The following EYA3 variants were observed in gnomAD, a reference collection of about 807,000 sequenced individuals.
The protein encoded by EYA3 is protein phosphatase EYA3.
Under a neutral mutation model 80.0 loss-of-function variants are expected in EYA3, and 39 were observed. The ratio of observed to expected loss-of-function variants is 0.49; its 90% confidence interval spans 0.38 to 0.64. EYA3 has a LOEUF of 0.64. Among genes scored for constraint, EYA3 ranks in the 30% least tolerant of loss-of-function variants. The pLI is 0.00. For missense variants in EYA3, 523 were observed against 676.1 expected, an observed-to-expected ratio of 0.77 and a Z score of 2.51; for synonymous variants, 206 against 232.8, an observed-to-expected ratio of 0.88 and a Z score of 1.05.
chr1:28,047,178 G>T (rs993080825), intron 3 of EYA3, among the ~76,000 whole-genome samples: 2 of 151,824 alleles, frequency 1.3e-5, no homozygotes, highest in Admixed American at 1.3e-4. Context: ...TGTCGCCCAG[G>T]CTGGAGTGCA....
intron 4 of EYA3, among the ~76,000 whole-genome samples, chr1:28,041,070 C>T (rs1643749891): frequency 6.6e-6 from 1 of 152,034 alleles, no homozygotes; most frequent in Non-Finnish European, 1.5e-5. Flanking sequence ...TACATCCTGA[C>T]AAGAAGGAAA....
At chr1:28,079,996 T>C (rs986756786) in intron 1 of EYA3, among the ~76,000 whole-genome samples, 7 of 152,038 alleles carry the variant, frequency 4.6e-5, no homozygotes, top group African/African-American at 1.7e-4. Context: ...TCACTAAAAT[T>C]TTGCAAACTG....
chr1:28,070,179 G>T (rs540464186), intron 1 of EYA3, among the ~76,000 whole-genome samples: 1 of 152,300 alleles, frequency 6.6e-6, no homozygotes, highest in African/African-American at 2.4e-5. Context: ...GCTTGGTTTT[G>T]CTATTACCTC....
chr1:28,072,929 T>C (rs1012248970), intron 1 of EYA3, among the ~76,000 whole-genome samples: 1 of 151,080 alleles, frequency 6.6e-6, no homozygotes, highest in African/African-American at 2.4e-5. Flanking sequence ...GAAACTCAAA[T>C]GCATTATGCT....
intron 1 of EYA3, among the ~76,000 whole-genome samples, chr1:28,072,935 A>T (rs1021876661): frequency 6.6e-6 from 1 of 151,286 alleles, no homozygotes; most frequent in Non-Finnish European, 1.5e-5. Context: ...CAAATGCATT[A>T]TGCTAAGTGG....
intron 9 of EYA3, among the ~76,000 whole-genome samples, chr1:28,011,673 C>G (rs550905716): frequency 5.3e-5 from 8 of 152,206 alleles, no homozygotes; most frequent in African/African-American, 1.9e-4. Flanking sequence ...GACTGGGAAA[C>G]AGTATGGGAT....
intron 1 of EYA3, among the ~76,000 whole-genome samples, chr1:28,067,967 A>C (rs1423547220): frequency 2.0e-5 from 3 of 152,218 alleles, no homozygotes; most frequent in Non-Finnish European, 4.4e-5. Context: ...TAAGCAGCAG[A>C]AACAGTGGTG....
intron 1 of EYA3, among the ~76,000 whole-genome samples, chr1:28,064,749 A>G (rs1644769534): frequency 6.6e-6 from 1 of 152,124 alleles, no homozygotes; most frequent in South Asian, 2.1e-4. Flanking sequence ...CAGCCTCCCA[A>G]GCAGCTGGGA....
intron 1 of EYA3, among the ~76,000 whole-genome samples, chr1:28,063,813 C>T (rs1644730192): frequency 1.3e-5 from 2 of 152,086 alleles, no homozygotes; most frequent in South Asian, 4.1e-4. Flanking sequence ...CTCCTCTGTA[C>T]ACAATGTTGC....
chr1:28,029,565 A>C (rs1642993250), intron 6 of EYA3, among the ~76,000 whole-genome samples: 1 of 151,676 alleles, frequency 6.6e-6, no homozygotes, highest in South Asian at 2.1e-4. Flanking sequence ...TTTTGGCTAC[A>C]CAAAAGCCTA....
At chr1:28,032,878 T>C (rs960186214) in intron 6 of EYA3, among the ~76,000 whole-genome samples, 13 of 152,204 alleles carry the variant, frequency 8.5e-5, no homozygotes, top group Non-Finnish European at 1.9e-4. Flanking sequence ...TGAGCACTTC[T>C]AGAATGAAAC....
At position 27,997,368 on chromosome 1, in the gene EYA3, T is replaced by G. The variant is rs560671858; in HGVS notation, c.1094A>C (p.Gln365Pro). Reference sequence around the variant, plus strand: ...AGAAGCCACATCTTCCACATGTACCTGGTCACACTCCTGTTAAAAGACAAA... The same window carrying G: ...AGAAGCCACATCTTCCACATGTACCGGGTCACACTCCTGTTAAAAGACAAA... Reference protein sequence around the residue: ...LFFNDLEECDQVHVEDVASDD... With the variant: ...LFFNDLEECDPVHVEDVASDD... The change falls in exon 13 of 18, where the codon CAG (glutamine) becomes CCG (proline). Residue 365 changes from glutamine to proline, a missense_variant. Transcript: ENST00000373871. 3.1e-6 allele frequency: 5 copies of G among 1,614,108 alleles called. No individual in the cohort carries two copies. The Admixed American group carries it at 8.3e-5, about 27-fold the overall frequency.
At chr1:28,061,018 A>C (rs550798914) in intron 1 of EYA3, among the ~76,000 whole-genome samples, 34 of 152,282 alleles carry the variant, frequency 2.2e-4, no homozygotes, top group African/African-American at 8.2e-4. Context: ...GTCTCAAAAA[A>C]GAAAAGAAAA....
rs758591434 is a variant in EYA3 at position 28,011,009 on chromosome 1, T to C, written c.847A>G (p.Thr283Ala). 2 of 1,614,148 alleles carry C rather than the reference T, an allele frequency of 1.2e-6. No individual in the cohort carries two copies. The highest frequency in any genetic ancestry group is 1.7e-6 in the Non-Finnish European group (2 of 1,180,002). ...DTDDQSRKNM[T>A]SKNRGKRKAD... ...TTCCTCTTGCCCCGGTTCTTGCTAG[T>C]CATGTTTTTCCTGGACTGATCATCA... Residue 283 changes from threonine to alanine, a missense_variant, in exon 10 of 18, where the codon ACT (threonine) becomes GCT (alanine). Physicochemically the swap from Thr to Ala is moderately conservative, Grantham distance 58. Around this residue, in one of 2 missense-constraint regions of EYA3, gnomAD observed 304 missense variants for 343.3 expected, o/e 0.89. Transcript: ENST00000373871.
chr1:28,047,856 G>A (rs1046786368), intron 3 of EYA3, among the ~76,000 whole-genome samples: 1 of 151,978 alleles, frequency 6.6e-6, no homozygotes, highest in Non-Finnish European at 1.5e-5. Context: ...AGCCAGGATG[G>A]TCTCGATCTC....
chr1:28,023,257 A>G (rs1281081426), intron 7 of EYA3, among the ~76,000 whole-genome samples: 1 of 152,202 alleles, frequency 6.6e-6, no homozygotes, highest in Non-Finnish European at 1.5e-5. Flanking sequence ...GACTGAATAA[A>G]TCAACAAACT....
In EYA3 at chr1:28,005,810, A is replaced by T. The variant is rs180703247; in HGVS notation, c.910-1391T>A. ...ACCAAATTCAGCAGCATATTAAAAG[A>T]ATTAAACATCATGGCCGGGCATGGT... On this transcript the variant is annotated intron_variant, in intron 10 of 17. Transcript: ENST00000373871. 5.9e-5 allele frequency among the ~76,000 whole-genome samples: 9 copies of T among 152,170 alleles called. No homozygotes were observed. In the East Asian group the frequency reaches 1.7e-3, roughly 29 times the overall value.
chr1:27,980,261 T>C lies in EYA3; in HGVS notation c.1541-1787A>G, dbSNP rs1295867034. 4.6e-5 allele frequency among the ~76,000 whole-genome samples: 7 copies of C among 152,218 alleles called. 1 individual carries two copies. Among genetic ancestry groups the C allele is most frequent in the Non-Finnish European group, 1.0e-4 (7 of 68,038 alleles). ...TAATAATAAATTCTTATTATGTTCATGGTGTTGAAGAGTTCTTTAATTCCA... is the reference window on the plus strand; with the variant it reads ...TAATAATAAATTCTTATTATGTTCACGGTGTTGAAGAGTTCTTTAATTCCA... On this transcript the variant is annotated intron_variant, in intron 16 of 17. Coordinates refer to ENST00000373871, the MANE Select transcript of EYA3 (RefSeq NM_001990.4).
intron 7 of EYA3, among the ~76,000 whole-genome samples, chr1:28,024,597 T>C (rs1642661431): frequency 6.6e-6 from 1 of 151,822 alleles, no homozygotes; most frequent in African/African-American, 2.4e-5. Flanking sequence ...GCAAAGGTTG[T>C]AGTGAGCCGA....
Sources: gnomAD v4.1 joint callset for allele counts (sites outside exome capture counted in the v4.1 genomes callset) on GRCh38, gnomAD v4.1.1 for gene constraint, gnomAD v4.1.1 regional missense constraint, MANE v1.5 for transcripts, NCBI Gene and HGNC (gene_info 2026-07-23, HGNC 2026-07-21) for gene names.